STYXL1: variants seen among roughly 807,000 people sequenced by gnomAD.
The protein encoded by STYXL1 is serine/threonine/tyrosine-interacting-like protein 1.
Under a neutral mutation model 36.4 loss-of-function variants are expected in STYXL1, and 32 were observed. The observed-to-expected ratio is 0.88, with a 90% confidence interval of 0.66 to 1.18. The LOEUF (loss-of-function observed/expected upper bound fraction) is 1.18, where lower values mean the gene tolerates loss of function less well. Among genes scored for constraint, STYXL1 ranks in the 50% most tolerant of loss-of-function variants. The probability of loss-of-function intolerance (pLI) is 0.00; values close to 1 mark genes in which losing one functional copy is unlikely to be tolerated. For missense variants in STYXL1, 354 were observed against 394.1 expected (o/e 0.90, Z 0.86); for synonymous variants, 133 against 144.1 (o/e 0.92, Z 0.55).
intron 4 of STYXL1, among the ~76,000 whole-genome samples, 185 bp from the exon 5 acceptor site, chr7:76,014,072 G>A (rs1486475892): frequency 1.3e-5 from 2 of 151,948 alleles, no homozygotes; most frequent in African/African-American, 4.8e-5. Flanking sequence ...TCTGCCTCCT[G>A]GGTTCAAGCG....
chr7:76,003,380 G>A (rs951705780), intron 7 of STYXL1, among the ~76,000 whole-genome samples: 4 of 152,328 alleles, frequency 2.6e-5, no homozygotes, highest in South Asian at 4.1e-4. Flanking sequence ...GGATGAAGGC[G>A]GGGATGGAGA....
chr7:76,003,667 C>T (rs782130034), intron 7 of STYXL1, 91 bp downstream of exon 7: 12 of 1,170,114 alleles, frequency 1.0e-5, no homozygotes, highest in African/African-American at 1.5e-5. Flanking sequence ...GGGGAAATCA[C>T]GGTCCAGAAT....
At chr7:76,043,704 T>C (rs1393979899) in intron 1 of STYXL1, among the ~76,000 whole-genome samples, 1 of 152,130 alleles carries the variant, frequency 6.6e-6, no homozygotes, top group Non-Finnish European at 1.5e-5. Flanking sequence ...ATCTCTACTC[T>C]CTTATAACCC....
At chr7:76,038,596 GTA>G (rs1221737817) in intron 1 of STYXL1, among the ~76,000 whole-genome samples, 2 of 150,494 alleles carry the variant, frequency 1.3e-5, no homozygotes, top group African/African-American at 4.9e-5. Flanking sequence ...TGGCTTTTTT[GTA>G]TTTTTTTTTA....
At chr7:76,008,969 T>C (rs1792185189) in intron 5 of STYXL1, among the ~76,000 whole-genome samples, 2 of 151,926 alleles carry the variant, frequency 1.3e-5, no homozygotes, top group Admixed American at 1.3e-4. Context: ...ACCACTGTAC[T>C]CCAGCCTGGG....
chr7:76,000,218 C>CAAAA (rs35153306), intron 8 of STYXL1, among the ~76,000 whole-genome samples: 49 of 69,456 alleles, frequency 7.1e-4, no homozygotes, highest in African/African-American at 2.3e-3. Context: ...GACTCCATCT[C>CAAAA]AAAAAAAAAA....
intron 1 of STYXL1, chr7:76,043,962 G>A (rs1202188325): frequency 6.6e-6 from 1 of 152,200 alleles, no homozygotes; most frequent in Non-Finnish European, 1.5e-5. Flanking sequence ...AAGATTTAAA[G>A]ACAGAAAGCT....
rs981741585 is a variant in STYXL1, at chr7:76,047,943, G to C, written c.-286C>G. On this transcript the variant is annotated 5_prime_UTR_variant, in exon 1 of 9. Transcript: ENST00000359697. ...ACACAGACGGCTACGCTAGAACCCA[G>C]CCAAACACCGGGGTTGCCAGGATGG... 4.8e-6 allele frequency: 7 copies of C among 1,451,856 alleles called. No homozygotes were observed. The African/African-American group carries it at 8.5e-5, about 18-fold the overall frequency. 89.9% of individuals were successfully genotyped at this position (1,451,856 alleles called of 1,614,324 possible).
rs1298907249 is a variant in STYXL1, at chr7:76,021,866, CAG to C, written c.290_291del (p.Ser97Ter). 3 of 1,612,564 alleles carry C rather than the reference CAG, an allele frequency of 1.9e-6. No individual in the cohort carries two copies. The highest frequency in any genetic ancestry group is 2.7e-5 in the African/African-American group (2 of 74,888). On this transcript the variant is annotated frameshift_variant, in exon 4 of 9. Transcript: ENST00000359697. LOFTEE classifies it high-confidence loss of function. Reference sequence around the variant, plus strand: ...TAAAACCCACCTTTGCCATCACCATCAGAGTCTGAATCATCATCATCATCTTT... The same window carrying C: ...TAAAACCCACCTTTGCCATCACCATCAGTCTGAATCATCATCATCATCTTT... ...LLKDDDDDSD[S>X]DGDGKDLVPQ...
intron 8 of STYXL1, among the ~76,000 whole-genome samples, chr7:75,999,602 C>A (rs1790610574): frequency 6.6e-6 from 1 of 150,840 alleles, no homozygotes; most frequent in Admixed American, 6.6e-5. Context: ...GGCTGGAGTA[C>A]AATGGTGCAA....
intron 1 of STYXL1, among the ~76,000 whole-genome samples, chr7:76,033,961 GAAT>G (rs1441967371): frequency 1.3e-5 from 2 of 152,178 alleles, no homozygotes; most frequent in Non-Finnish European, 2.9e-5. Flanking sequence ...ATGGGGGTGA[GAAT>G]AATATTGCCA....
intron 1 of STYXL1, among the ~76,000 whole-genome samples, chr7:76,034,567 G>C (rs1454806959): frequency 1.3e-5 from 2 of 152,040 alleles, no homozygotes; most frequent in Non-Finnish European, 2.9e-5. Context: ...ATGCCCCCGG[G>C]CTTACTTTCC....
intron 3 of STYXL1, among the ~76,000 whole-genome samples, chr7:76,025,926 C>T (rs1483761625): frequency 6.6e-6 from 1 of 152,004 alleles, no homozygotes; most frequent in African/African-American, 2.4e-5. Context: ...GGCGCGGTGG[C>T]TCACGCCTGT....
intron 1 of STYXL1, among the ~76,000 whole-genome samples, chr7:76,032,595 G>C (rs540792981): frequency 6.6e-6 from 1 of 152,046 alleles, no homozygotes; most frequent in Admixed American, 6.6e-5. Context: ...CCAGCTACTC[G>C]GGAGGCTGAG....
rs782300282 is a variant in STYXL1, at chr7:75,996,398, T to G, written c.*70A>C. ...TCCAGACAAGCCTGGGTATACACACTCTGGCCCTCCACCCACAAAATGCCC... is the reference window on the plus strand; with the variant it reads ...TCCAGACAAGCCTGGGTATACACACGCTGGCCCTCCACCCACAAAATGCCC... On this transcript the variant is annotated 3_prime_UTR_variant, in exon 9 of 9. Transcript: ENST00000359697. The G allele has an allele frequency of 6.2e-7, 1 of 1,612,944 alleles. No homozygotes were observed. The highest frequency in any genetic ancestry group is 8.5e-7 in the Non-Finnish European group (1 of 1,179,456).
chr7:76,046,859 C>T (rs1190211645), intron 1 of STYXL1, among the ~76,000 whole-genome samples: 4 of 151,254 alleles, frequency 2.6e-5, no homozygotes, highest in Non-Finnish European at 5.9e-5. Context: ...CCATGTTAGC[C>T]AGGCTGGTCA....
At chr7:76,025,893 C>G (rs1335746414) in intron 3 of STYXL1, among the ~76,000 whole-genome samples, 2 of 151,502 alleles carry the variant, frequency 1.3e-5, no homozygotes, top group African/African-American at 2.4e-5. Flanking sequence ...GAGTTATGTG[C>G]AGAAAAAGCA....
At chr7:76,005,464 A>G (rs1056902275) in intron 5 of STYXL1, 60 bp from the exon 6 acceptor site, 231 of 1,493,280 alleles carry the variant, frequency 1.5e-4, no homozygotes, top group Non-Finnish European at 2.0e-4. Context: ...AGGGATGTCT[A>G]TCTCTTGAAA....
chr7:76,020,078 G>A (rs1411469626), intron 4 of STYXL1, among the ~76,000 whole-genome samples: 1 of 152,112 alleles, frequency 6.6e-6, no homozygotes, highest in Non-Finnish European at 1.5e-5. Flanking sequence ...GTGGTTTCCT[G>A]TGAATGGGGG....
Sources: gnomAD v4.1 joint callset for allele counts (sites outside exome capture counted in the v4.1 genomes callset) on GRCh38, gnomAD v4.1.1 for gene constraint, MANE v1.5 for transcripts, NCBI Gene and HGNC (gene_info 2026-07-23, HGNC 2026-07-21) for gene names.